The following UGT1A10 variants were observed in gnomAD, a reference collection of about 807,000 sequenced individuals.
The protein encoded by UGT1A10 is UDP glucuronosyltransferase family 1 member A10.
A neutral mutation model predicts 45.8 loss-of-function variants in UGT1A10; 49 were observed. The observed-to-expected ratio is 1.07, with a 90% CI of 0.85 to 1.36. UGT1A10 has a LOEUF of 1.36. UGT1A10 is among the 40% of genes most tolerant of loss of function. The pLI is 0.00. For missense variants in UGT1A10, 745 were observed against 668.6 expected, an observed-to-expected ratio of 1.11 and a Z score of -1.26; for synonymous variants, 284 against 249.7, an observed-to-expected ratio of 1.14 and a Z score of -1.29.
At chr2:233,666,886 G>A (rs1215498173) in intron 1 of UGT1A10, among the ~76,000 whole-genome samples, 1 of 148,500 alleles carries the variant, frequency 6.7e-6, no homozygotes, top group East Asian at 2.0e-4. Context: ...ACCTATGAGT[G>A]AGAACATGCG....
In UGT1A10 at chr2:233,646,092, A is replaced by C. The variant is rs375138594; in HGVS notation, c.855+8715A>C. 6.8e-4 allele frequency among the ~76,000 whole-genome samples: 104 copies of C among 152,296 alleles called. 1 individual carries two copies. Among genetic ancestry groups the C allele is most frequent in the Non-Finnish European group, 1.0e-4 (7 of 68,016 alleles). On this transcript the variant is annotated intron_variant, in intron 1 of 4. Transcript: ENST00000344644. Reference sequence around the variant, plus strand: ...TGTGCACCCACAGTCTCAACCCCACATGGAAGCTGCCAAGGCTCGGCACTT... The same window carrying C: ...TGTGCACCCACAGTCTCAACCCCACCTGGAAGCTGCCAAGGCTCGGCACTT...
intron 1 of UGT1A10, among the ~76,000 whole-genome samples, chr2:233,677,552 T>C (rs961151831): frequency 9.2e-5 from 14 of 152,166 alleles, no homozygotes; most frequent in Non-Finnish European, 1.8e-4. Flanking sequence ...GAAAATGTTA[T>C]TAAAAAACGT....
intron 1 of UGT1A10, among the ~76,000 whole-genome samples, chr2:233,766,662 C>T (rs911110190): frequency 3.9e-5 from 6 of 152,180 alleles, no homozygotes; most frequent in Non-Finnish European, 8.8e-5. Flanking sequence ...GGACCACGCC[C>T]TTCCCAGCTC....
chr2:233,667,417 A>T (rs2125496120), intron 1 of UGT1A10, among the ~76,000 whole-genome samples: 2 of 152,326 alleles, frequency 1.3e-5, no homozygotes, highest in East Asian at 3.9e-4. Flanking sequence ...TAGACCTTAA[A>T]CCATAAAAAC....
At chr2:233,670,164 G>T (rs2074153513) in intron 1 of UGT1A10, among the ~76,000 whole-genome samples, 6 of 152,216 alleles carry the variant, frequency 3.9e-5, no homozygotes, top group Admixed American at 3.9e-4. Context: ...AAATCTTAAG[G>T]AAGAGAAAAT....
intron 1 of UGT1A10, among the ~76,000 whole-genome samples, chr2:233,638,925 T>C (rs1009396691): frequency 6.6e-6 from 1 of 152,066 alleles, no homozygotes; most frequent in South Asian, 2.1e-4. Flanking sequence ...CTCTAAGAGG[T>C]TGGACTTATC....
At chr2:233,720,103 C>T (rs2076831013) in intron 1 of UGT1A10, among the ~76,000 whole-genome samples, 1 of 152,162 alleles carries the variant, frequency 6.6e-6, no homozygotes, top group African/African-American at 2.4e-5. Flanking sequence ...GTGGTCCCAT[C>T]TTGCGAAAGA....
intron 1 of UGT1A10, among the ~76,000 whole-genome samples, chr2:233,706,279 T>C (rs923894303): frequency 6.6e-6 from 1 of 151,976 alleles, no homozygotes; most frequent in Admixed American, 6.6e-5. Context: ...ACCTCAGGGG[T>C]GGGGCCCAGT....
chr2:233,746,231 A>C, intron 1 of UGT1A10, among the ~76,000 whole-genome samples: 1 of 151,848 alleles, frequency 6.6e-6, no homozygotes, highest in Non-Finnish European at 1.5e-5. Context: ...AGATATGCAA[A>C]CTGCTAAAAG....
intron 1 of UGT1A10, among the ~76,000 whole-genome samples, chr2:233,678,378 G>C (rs1358050976): frequency 6.6e-6 from 1 of 152,152 alleles, no homozygotes; most frequent in Non-Finnish European, 1.5e-5. Flanking sequence ...TCCATTGAGT[G>C]GGCTGTGGAG....
At chr2:233,689,251 A>G (rs970347387) in intron 1 of UGT1A10, among the ~76,000 whole-genome samples, 1 of 152,194 alleles carries the variant, frequency 6.6e-6, no homozygotes, top group African/African-American at 2.4e-5. Context: ...AGTGATTCAG[A>G]CTTGACTATT....
At chr2:233,717,557 A>T (rs1319791307) in intron 1 of UGT1A10, among the ~76,000 whole-genome samples, 2 of 152,230 alleles carry the variant, frequency 1.3e-5, no homozygotes, top group Non-Finnish European at 2.9e-5. Flanking sequence ...CAGCAATGGC[A>T]GACATGGCCA....
chr2:233,733,236 C>T (rs982888781), intron 1 of UGT1A10, among the ~76,000 whole-genome samples: 9 of 152,278 alleles, frequency 5.9e-5, no homozygotes, highest in African/African-American at 2.2e-4. Context: ...TCTAAATATA[C>T]AATCATGTCA....
intron 1 of UGT1A10, chr2:233,761,180 C>A (rs374898247): frequency 6.2e-7 from 1 of 1,614,128 alleles, no homozygotes; most frequent in East Asian, 2.2e-5. Context: ...CTTTTACATG[C>A]GTATATTCTT....
intron 1 of UGT1A10, among the ~76,000 whole-genome samples, chr2:233,646,676 C>T (rs1248317693): frequency 1.3e-5 from 2 of 152,176 alleles, no homozygotes; most frequent in African/African-American, 2.4e-5. Flanking sequence ...AGTTCCTCAT[C>T]TCCATTTGAA....
chr2:233,751,453 T>C (rs1694732697), intron 1 of UGT1A10, among the ~76,000 whole-genome samples: 2 of 152,190 alleles, frequency 1.3e-5, no homozygotes, highest in African/African-American at 4.8e-5. Flanking sequence ...GGAAGATTGT[T>C]GGGAAGGCAC....
intron 1 of UGT1A10, chr2:233,747,241 C>CTG: frequency 6.2e-7 from 1 of 1,603,058 alleles, no homozygotes; most frequent in South Asian, 1.1e-5. Context: ...GGTTCCCCTG[C>CTG]TGTGGCTGGC....
intron 1 of UGT1A10, chr2:233,691,925 A>G (rs995732624): frequency 2.3e-4 from 35 of 152,536 alleles, no homozygotes; most frequent in African/African-American, 7.9e-4. Context: ...GGTGGGAGCG[A>G]TAAACGTGAA....
chr2:233,651,534 G>A (rs1559325426), intron 1 of UGT1A10, among the ~76,000 whole-genome samples: 1 of 152,130 alleles, frequency 6.6e-6, no homozygotes, highest in African/African-American at 2.4e-5. Flanking sequence ...ATAAAGGAAG[G>A]AAAATTCTCA....
Sources: allele counts gnomAD v4.1 joint callset (sites outside exome capture counted in the v4.1 genomes callset), GRCh38; gene constraint gnomAD v4.1.1; transcripts MANE v1.5; gene names NCBI Gene and HGNC (gene_info 2026-07-23, HGNC 2026-07-21).